SORCS2: variants seen among roughly 807,000 people sequenced by gnomAD.
SORCS2 encodes sortilin related VPS10 domain containing receptor 2.
In SORCS2, 100 loss-of-function variants were observed where a neutral mutation model predicts 141.6. The ratio of observed to expected loss-of-function variants is 0.71; its 90% CI spans 0.60 to 0.83. SORCS2 has a LOEUF of 0.83. SORCS2 is among the 40% of genes least tolerant of loss of function. SORCS2 has a pLI of 0.00. For synonymous variants in SORCS2, 789 were observed against 676.9 expected (o/e 1.17, Z -2.57); for missense variants, 1,646 against 1,560.2 (o/e 1.05, Z -0.93).
At chr4:7,639,071 C>T (rs1720461646) in intron 4 of SORCS2, among the ~76,000 whole-genome samples, 1 of 152,038 alleles carries the variant, frequency 6.6e-6, no homozygotes, top group Non-Finnish European at 1.5e-5. Context: ...CAGGGAGGGG[C>T]CCACCTGGGT....
chr4:7,436,250 G>T (rs1158020898), intron 2 of SORCS2, among the ~76,000 whole-genome samples: 1 of 152,222 alleles, frequency 6.6e-6, no homozygotes, highest in Non-Finnish European at 1.5e-5. Context: ...GGCTGGAGAC[G>T]TGGGTGTCCT....
At chr4:7,724,293 TA>T (rs1726864826) in intron 19 of SORCS2, among the ~76,000 whole-genome samples, 1 of 129,562 alleles carries the variant, frequency 7.7e-6, no homozygotes, top group African/African-American at 3.0e-5. Context: ...GTGGTGGTGA[TA>T]ATGGTGACAA....
chr4:7,591,555 G>A (rs1390062452), intron 3 of SORCS2, among the ~76,000 whole-genome samples: 1 of 152,236 alleles, frequency 6.6e-6, no homozygotes, highest in African/African-American at 2.4e-5. Flanking sequence ...CAACGCTCAT[G>A]CTCTCCCGGG....
chr4:7,387,623 A>G (rs1387568976), intron 1 of SORCS2, among the ~76,000 whole-genome samples: 1 of 141,176 alleles, frequency 7.1e-6, no homozygotes, highest in Non-Finnish European at 1.5e-5. Flanking sequence ...ACACATACAC[A>G]TTTGCACACA....
chr4:7,472,400 C>T lies in SORCS2; in HGVS notation c.549-59130C>T, dbSNP rs558547394. Among the ~76,000 whole-genome samples, 31 of 152,248 alleles carry T rather than the reference C, an allele frequency of 2.0e-4. No individual in the cohort carries two copies. In the South Asian group the frequency reaches 5.0e-3, roughly 24 times the overall value. Reference sequence around the variant, plus strand: ...CAGGCAAAGTGGACGGCATGTTCCCCGCCTCAGGGGGATGAGGGGATGGCG... The same window carrying T: ...CAGGCAAAGTGGACGGCATGTTCCCTGCCTCAGGGGGATGAGGGGATGGCG... On this transcript the variant is annotated intron_variant, in intron 2 of 26. Coordinates refer to ENST00000507866, the MANE Select transcript of SORCS2 (RefSeq NM_020777.3).
chr4:7,736,268 G>A (rs762333248), intron 25 of SORCS2, among the ~76,000 whole-genome samples: 12 of 152,256 alleles, frequency 7.9e-5, no homozygotes, highest in Non-Finnish European at 4.4e-5. Flanking sequence ...AGGCAGCAGC[G>A]CTGCTTTGAG....
chr4:7,654,231 A>G (rs1721611946), intron 5 of SORCS2, 24 bp downstream of exon 5: 1 of 1,558,958 alleles, frequency 6.4e-7, no homozygotes, highest in African/African-American at 1.4e-5. Context: ...CCCACCCCAA[A>G]CCCATGGGGC....
chr4:7,586,309 A>G (rs56797744), intron 3 of SORCS2, among the ~76,000 whole-genome samples: 2,889 of 152,114 alleles, frequency 0.019, 109 homozygotes, highest in African/African-American at 0.067. Context: ...ACTGCCCCCA[A>G]TGACGATGTT....
intron 2 of SORCS2, chr4:7,433,315 C>G: frequency 1.4e-6 from 2 of 1,390,984 alleles, no homozygotes; most frequent in Non-Finnish European, 1.9e-6. Context: ...CAGCCACGGT[C>G]ACGCGTGTTC....
Position 7,723,672 on chromosome 4 carries a change from G to C in SORCS2, c.2425-25G>C, listed in dbSNP as rs76032560. ...CCTCAGCTTCAAGGCCCACTCCTGA[G>C]TGGCCACATGGTGTTTCTCTGCAGG... On this transcript the variant is annotated intron_variant, in intron 18 of 26. Coordinates refer to ENST00000507866, the MANE Select transcript of SORCS2 (RefSeq NM_020777.3). 2,161 of 1,613,354 alleles carry C rather than the reference G, an allele frequency of 1.3e-3. 21 individuals are homozygous for C. In the African/African-American group the frequency reaches 0.026, roughly 20 times the overall value.
intron 1 of SORCS2, among the ~76,000 whole-genome samples, chr4:7,319,520 C>T (rs1718765683): frequency 6.6e-6 from 1 of 151,956 alleles, no homozygotes. Flanking sequence ...GTCTGGACAA[C>T]ATAGTGAGAT....
Position 7,484,210 on chromosome 4 carries a change from C to T in SORCS2, c.549-47320C>T, listed in dbSNP as rs149458409. On this transcript the variant is annotated intron_variant, in intron 2 of 26. Transcript: ENST00000507866. ...CTTCCCACAGCTCGCGTCCCTGCGCCGGCAGATCGCCGCTGAGTCTGAACG... is the reference window on the plus strand; with the variant it reads ...CTTCCCACAGCTCGCGTCCCTGCGCTGGCAGATCGCCGCTGAGTCTGAACG... Among the ~76,000 whole-genome samples, 313 of 152,338 alleles carry T rather than the reference C, an allele frequency of 2.1e-3. 3 individuals are homozygous for T. The highest frequency in any genetic ancestry group is 7.0e-3 in the African/African-American group (293 of 41,572).
At chr4:7,724,389 T>G (rs111065393) in intron 19 of SORCS2, among the ~76,000 whole-genome samples, 54,556 of 131,318 alleles carry the variant, frequency 0.42, 11,508 homozygotes, top group East Asian at 0.57. Flanking sequence ...TGATAGGGTG[T>G]TGGTGATGGT....
At chr4:7,612,893 T>TTGG (rs1553892734) in intron 3 of SORCS2, among the ~76,000 whole-genome samples, 2 of 147,410 alleles carry the variant, frequency 1.4e-5, no homozygotes, top group Admixed American at 6.7e-5. Flanking sequence ...TGGGAGGAGA[T>TTGG]GGGAGGGGAA....
intron 3 of SORCS2, among the ~76,000 whole-genome samples, chr4:7,572,906 A>G (rs992543872): frequency 6.6e-6 from 1 of 152,232 alleles, no homozygotes; most frequent in Non-Finnish European, 1.5e-5. Flanking sequence ...GAGAGATTTT[A>G]TAAGCGACGG....
chr4:7,521,062 C>T (rs1237684031), intron 2 of SORCS2, among the ~76,000 whole-genome samples: 1 of 152,126 alleles, frequency 6.6e-6, no homozygotes, highest in African/African-American at 2.4e-5. Flanking sequence ...CTTAATGTTC[C>T]TTGGGACTCA....
chr4:7,722,154 T>C (rs1439233717), intron 18 of SORCS2, among the ~76,000 whole-genome samples: 1 of 152,114 alleles, frequency 6.6e-6, no homozygotes, highest in Admixed American at 6.5e-5. Context: ...CCCCGAGAGG[T>C]GGCGCCTCAC....
rs148079974 is a variant in SORCS2 at position 7,247,823 on chromosome 4, G to A, written c.480+54697G>A. Among the ~76,000 whole-genome samples, 5 of 152,360 alleles carry A rather than the reference G, an allele frequency of 3.3e-5. No homozygotes were observed. The East Asian group carries it at 5.8e-4, about 18-fold the overall frequency. ...GGAAGCCGCCTTGGAGGACCACTGC[G>A]TGGTCAGATAAGCTGGTGGGTGGGA... On this transcript the variant is annotated intron_variant, in intron 1 of 26. Transcript: ENST00000507866.
chr4:7,542,861 A>G (rs936499562), intron 3 of SORCS2, among the ~76,000 whole-genome samples: 5 of 152,218 alleles, frequency 3.3e-5, no homozygotes, highest in Non-Finnish European at 5.9e-5. Context: ...TGAGCACAGC[A>G]CTGCCTCTTA....
Sources: allele counts gnomAD v4.1 joint callset (sites outside exome capture counted in the v4.1 genomes callset), GRCh38; gene constraint gnomAD v4.1.1; transcripts MANE v1.5; gene names NCBI Gene and HGNC (gene_info 2026-07-23, HGNC 2026-07-21).